The following SLC41A2 variants were observed in gnomAD, a reference collection of about 807,000 sequenced individuals.
SLC41A2 encodes the protein SLC41A1-like 1.
SLC41A2 carries 32 observed loss-of-function variants against 58.3 expected under a neutral mutation model. That is an observed-to-expected ratio of 0.55 (90% confidence interval 0.41 to 0.74). The LOEUF (loss-of-function observed/expected upper bound fraction) is 0.74, where lower values mean the gene tolerates loss of function less well. Ranked by LOEUF, SLC41A2 falls within the 30% of genes least tolerant of loss-of-function variation. The pLI, the probability that SLC41A2 is intolerant of heterozygous loss-of-function variation, is 0.00. For missense variants in SLC41A2, 514 were observed against 680.6 expected (o/e 0.76, Z 2.72); for synonymous variants, 190 against 235.0 (o/e 0.81, Z 1.75).
chr12:104,825,809 A>G (rs2041822768), intron 10 of SLC41A2, among the ~76,000 whole-genome samples: 1 of 152,224 alleles, frequency 6.6e-6, no homozygotes, highest in Non-Finnish European at 1.5e-5. Context: ...ATTCCTGCCA[A>G]CTGAAACCCA....
intron 2 of SLC41A2, among the ~76,000 whole-genome samples, chr12:104,914,652 G>A (rs1211442488): frequency 1.3e-5 from 2 of 152,222 alleles, no homozygotes; most frequent in African/African-American, 4.8e-5. Flanking sequence ...ACTATGAGAA[G>A]AGTATGAAGT....
chr12:104,886,395 T>C lies in SLC41A2; in HGVS notation c.925A>G (p.Ile309Val), dbSNP rs201324874. 3.1e-6 allele frequency: 5 copies of C among 1,613,642 alleles called. No homozygotes were observed. Among genetic ancestry groups the C allele is most frequent in the East Asian group, 2.2e-5 (1 of 44,844 alleles). ...GGTGTAGCAACATTATCAGGATTTA[T>C]ACCAGTCTTCTTTGAACCAACGATA... ...GVIVGSKKTG[I>V]NPDNVATPIA... Residue 309 changes from isoleucine (I) to valine (V), a missense_variant, in exon 6 of 11, where the codon ATA becomes GTA. Ile to Val is a conservative substitution (Grantham distance 29). Transcript: ENST00000258538.
chr12:104,813,933 G>C (rs916716517), intron 10 of SLC41A2, among the ~76,000 whole-genome samples: 1 of 152,130 alleles, frequency 6.6e-6, no homozygotes, highest in Non-Finnish European at 1.5e-5. Flanking sequence ...TCCGCACCCA[G>C]TCACAACTGG....
At chr12:104,889,394 C>G (rs543732913) in intron 4 of SLC41A2, among the ~76,000 whole-genome samples, 1 of 152,066 alleles carries the variant, frequency 6.6e-6, no homozygotes, top group Non-Finnish European at 1.5e-5. Flanking sequence ...AAGTATGGAA[C>G]GGAGTCCAGG....
At chr12:104,919,200 G>A (rs1435912335) in intron 2 of SLC41A2, among the ~76,000 whole-genome samples, 1 of 152,066 alleles carries the variant, frequency 6.6e-6, no homozygotes, top group Non-Finnish European at 1.5e-5. Flanking sequence ...TTTGTTGCTG[G>A]GTAGTAGTAT....
intron 10 of SLC41A2, among the ~76,000 whole-genome samples, chr12:104,838,597 T>C (rs1379261910): frequency 6.6e-6 from 1 of 152,234 alleles, no homozygotes; most frequent in African/African-American, 2.4e-5. Flanking sequence ...CAGTTTCATA[T>C]TTGTTGATAC....
chr12:104,886,170 A>G (rs1593072301), intron 6 of SLC41A2, 123 bp downstream of exon 6: 1 of 955,070 alleles, frequency 1.0e-6, no homozygotes, highest in Non-Finnish European at 1.5e-6. Context: ...TAGTTATCCT[A>G]ATCAGTCTCA....
rs1036066043 is a variant in SLC41A2, at chr12:104,887,421, A to G, written c.881-982T>C. The stretch of plus-strand genomic sequence containing the variant: ...ACTCTAGCCCAGTGTTTTTTACTCT[A>G]CCTATTAAAGCCAAAATTTTAATAA... On this transcript the variant is annotated intron_variant, in intron 5 of 10. Transcript: ENST00000258538. Among the ~76,000 whole-genome samples the G allele has an allele frequency of 1.1e-4, 16 of 151,884 alleles. No individual in the cohort carries two copies. The South Asian group carries it at 1.2e-3, about 12-fold the overall frequency.
rs142913469 is a variant in SLC41A2, at chr12:104,889,171, C to T, written c.742G>A (p.Ala248Thr). The change falls in exon 5 of 11, where the codon GCA (alanine) becomes ACA (threonine). Residue 248 changes from alanine to threonine, a missense_variant. Transcript: ENST00000258538. ...GCTGCTAGAAAACCCACTACTGTTG[C>T]CTGAACCTAAAATTTTTTTCATAAA... Reference protein sequence around the residue: ...IGNLALKQVQATVVGFLAAVA... With the variant: ...IGNLALKQVQTTVVGFLAAVA... 1.4e-4 allele frequency: 222 copies of T among 1,601,028 alleles called. No individual in the cohort carries two copies. The highest frequency in any genetic ancestry group is 1.8e-4 in the Non-Finnish European group (206 of 1,176,860).
intron 10 of SLC41A2, among the ~76,000 whole-genome samples, chr12:104,841,494 CAA>C (rs2042408974): frequency 6.6e-6 from 1 of 151,756 alleles, no homozygotes; most frequent in African/African-American, 2.4e-5. Context: ...AATGAGTAAA[CAA>C]AGATCCTATT....
intron 8 of SLC41A2, among the ~76,000 whole-genome samples, chr12:104,847,009 AC>A (rs1412302956): frequency 3.9e-5 from 6 of 152,130 alleles, no homozygotes; most frequent in Non-Finnish European, 5.9e-5. Context: ...AAGAATATAA[AC>A]CATTGAAGGA....
intron 5 of SLC41A2, 112 bp downstream of exon 5, chr12:104,888,921 G>T: frequency 8.9e-7 from 1 of 1,117,636 alleles, no homozygotes; most frequent in Non-Finnish European, 1.2e-6. Context: ...TTGTAGATAT[G>T]TTTTTTCTGT....
chr12:104,935,123 A>T (rs1018422046), intron 1 of SLC41A2, among the ~76,000 whole-genome samples: 1 of 150,496 alleles, frequency 6.6e-6, no homozygotes, highest in African/African-American at 2.5e-5. Flanking sequence ...ACGCCCGGCT[A>T]ATTTTTTGTA....
intron 10 of SLC41A2, among the ~76,000 whole-genome samples, chr12:104,820,328 C>G (rs1043770385): frequency 6.6e-6 from 1 of 152,126 alleles, no homozygotes; most frequent in Admixed American, 6.5e-5. Context: ...CCAGGCATGG[C>G]GGTGCACACC....
chr12:104,817,306 A>C (rs1199990852), intron 10 of SLC41A2, among the ~76,000 whole-genome samples: 2 of 152,192 alleles, frequency 1.3e-5, no homozygotes, highest in Non-Finnish European at 2.9e-5. Context: ...TGAGTCAGTG[A>C]ATGAGTAGTA....
chr12:104,853,817 C>A (rs2042896342), intron 8 of SLC41A2, among the ~76,000 whole-genome samples: 1 of 151,508 alleles, frequency 6.6e-6, no homozygotes. Context: ...AATCACGGCT[C>A]ACCGCATCCT....
At chr12:104,806,408 G>A (rs1322638338) in intron 10 of SLC41A2, among the ~76,000 whole-genome samples, 1 of 152,062 alleles carries the variant, frequency 6.6e-6, no homozygotes, top group African/African-American at 2.4e-5. Context: ...CCTTTTTTAT[G>A]GCTGCATAGT....
chr12:104,829,292 T>C (rs2041959222), intron 10 of SLC41A2, among the ~76,000 whole-genome samples: 1 of 152,194 alleles, frequency 6.6e-6, no homozygotes, highest in Non-Finnish European at 1.5e-5. Flanking sequence ...GATTTATTCA[T>C]ACAATGGACT....
At chr12:104,938,339 G>A (rs1231556262) in intron 1 of SLC41A2, among the ~76,000 whole-genome samples, 2 of 152,102 alleles carry the variant, frequency 1.3e-5, no homozygotes, top group East Asian at 1.9e-4. Context: ...AGACTGCTTC[G>A]ATGTGATTAA....
Sources: allele counts gnomAD v4.1 joint callset (sites outside exome capture counted in the v4.1 genomes callset), GRCh38; gene constraint gnomAD v4.1.1; transcripts MANE v1.5; gene names NCBI Gene and HGNC (gene_info 2026-07-23, HGNC 2026-07-21).